The following ALPK1 variants were observed in gnomAD, a reference collection of about 807,000 sequenced individuals.
ALPK1 encodes the protein alpha-protein kinase 1.
ALPK1 carries 110 observed loss-of-function variants against 120.6 expected under a neutral mutation model. The ratio of observed to expected loss-of-function variants is 0.91; its 90% confidence interval spans 0.78 to 1.07. The LOEUF is 1.07. ALPK1 is among the 50% of genes least tolerant of loss of function. The probability of loss-of-function intolerance (pLI) is 0.00; values close to 1 mark genes in which losing one functional copy is unlikely to be tolerated. For synonymous variants in ALPK1, 582 were observed against 560.3 expected, an observed-to-expected ratio of 1.04 and a Z score of -0.55; for missense variants, 1,498 against 1,483.9, an observed-to-expected ratio of 1.01 and a Z score of -0.16.
At chr4:112,384,378 C>A (rs1029287735) in intron 4 of ALPK1, 3 of 152,364 alleles carry the variant, frequency 2.0e-5, no homozygotes, top group East Asian at 1.9e-4. Context: ...ATGGTAGCCA[C>A]TAGCTACAGA....
chr4:112,393,718 T>A (rs1732526012), intron 4 of ALPK1, among the ~76,000 whole-genome samples: 1 of 152,204 alleles, frequency 6.6e-6, no homozygotes, highest in South Asian at 2.1e-4. Context: ...AGTGCACACA[T>A]CTTAACAATG....
At chr4:112,440,239 C>T (rs925958236) in intron 14 of ALPK1, among the ~76,000 whole-genome samples, 2 of 152,050 alleles carry the variant, frequency 1.3e-5, no homozygotes, top group East Asian at 3.8e-4. Flanking sequence ...TTCTCCAGCC[C>T]CTTACCCTTA....
At chr4:112,397,108 A>G (rs1472139657) in intron 4 of ALPK1, among the ~76,000 whole-genome samples, 1 of 152,182 alleles carries the variant, frequency 6.6e-6, no homozygotes, top group Non-Finnish European at 1.5e-5. Flanking sequence ...TTTATAGATG[A>G]AAATGTTGAA....
chr4:112,409,015 C>A (rs1003214887), intron 4 of ALPK1, among the ~76,000 whole-genome samples: 1 of 152,150 alleles, frequency 6.6e-6, no homozygotes, highest in East Asian at 1.9e-4. Flanking sequence ...GCCTTCAGAG[C>A]CATTCTTGGA....
intron 8 of ALPK1, among the ~76,000 whole-genome samples, chr4:112,427,326 C>T (rs1333396879): frequency 2.0e-5 from 3 of 151,230 alleles, no homozygotes; most frequent in Non-Finnish European, 4.4e-5. Flanking sequence ...ACATTGTATC[C>T]CATAAACATG....
chr4:112,345,403 T>C (rs1168566049), intron 2 of ALPK1, among the ~76,000 whole-genome samples: 1 of 152,206 alleles, frequency 6.6e-6, no homozygotes, highest in Non-Finnish European at 1.5e-5. Flanking sequence ...ATACAATGTG[T>C]TGTTGGCAAC....
intron 4 of ALPK1, among the ~76,000 whole-genome samples, chr4:112,408,633 C>T (rs999403490): frequency 6.6e-6 from 1 of 152,096 alleles, no homozygotes; most frequent in Non-Finnish European, 1.5e-5. Context: ...GCTACCATGC[C>T]TGGCTAATTT....
intron 3 of ALPK1, 40 bp downstream of exon 3, chr4:112,377,938 G>C: frequency 6.3e-7 from 1 of 1,574,888 alleles, no homozygotes; most frequent in Non-Finnish European, 8.7e-7. Context: ...GAACCAGCAG[G>C]TTCACTCTCC....
At chr4:112,356,047 G>A (rs902812714) in intron 2 of ALPK1, 4 of 772,440 alleles carry the variant, frequency 5.2e-6, no homozygotes, top group South Asian at 4.3e-5. Flanking sequence ...GCGGCTGAGA[G>A]CCTGAGATGT....
rs1578498776 is a variant in ALPK1, at chr4:112,359,672, G to A, written c.-100-18006G>A. 9 of 239,820 alleles carry A rather than the reference G, an allele frequency of 3.8e-5. 1 individual carries two copies. In the South Asian group the frequency reaches 4.5e-4, roughly 12 times the overall value. 14.9% of individuals were successfully genotyped at this position (239,820 alleles called of 1,614,324 possible). The stretch of plus-strand genomic sequence containing the variant: ...AGAGGCCAGCAGGGGCCTTGGGGGA[G>A]GATGGTGCGGCTGCAGGGCGAAGCC... On this transcript the variant is annotated intron_variant, in intron 2 of 15. Coordinates refer to ENST00000650871, the MANE Select transcript of ALPK1 (RefSeq NM_025144.4).
chr4:112,375,186 T>C (rs968561546), intron 2 of ALPK1, among the ~76,000 whole-genome samples: 5 of 150,698 alleles, frequency 3.3e-5, no homozygotes, highest in Admixed American at 6.6e-5. Flanking sequence ...TTTTCTTTTT[T>C]TTTTTTTTTT....
chr4:112,391,053 T>C (rs113207198), intron 4 of ALPK1, among the ~76,000 whole-genome samples: 152 of 152,260 alleles, frequency 1.0e-3, no homozygotes, highest in African/African-American at 3.3e-3. Flanking sequence ...CTGAGGTAGA[T>C]TGTATTATTG....
chr4:112,371,258 A>C (rs1270608013), intron 2 of ALPK1, among the ~76,000 whole-genome samples: 1 of 152,132 alleles, frequency 6.6e-6, no homozygotes, highest in East Asian at 1.9e-4. Context: ...TAACGTACGC[A>C]CTACAGCTAA....
intron 4 of ALPK1, among the ~76,000 whole-genome samples, chr4:112,410,269 G>A (rs1424475600): frequency 6.6e-6 from 1 of 152,014 alleles, no homozygotes; most frequent in Non-Finnish European, 1.5e-5. Context: ...CAACAAGGGA[G>A]CATGTAGGAT....
chr4:112,328,016 A>G (rs563858888), intron 2 of ALPK1, among the ~76,000 whole-genome samples: 1 of 152,356 alleles, frequency 6.6e-6, no homozygotes, highest in South Asian at 2.1e-4. Context: ...AATCTTCTGA[A>G]GACCTTAAAA....
chr4:112,412,033 C>T lies in ALPK1; in HGVS notation c.475+8C>T, dbSNP rs1266693228. 1.2e-6 allele frequency: 2 copies of T among 1,613,650 alleles called. No individual in the cohort carries two copies. Among genetic ancestry groups the T allele is most frequent in the Admixed American group, 3.3e-5 (2 of 60,026 alleles). On this transcript the variant is annotated splice_region_variant and intron_variant, in intron 5 of 15. Transcript: ENST00000650871. Reference sequence around the variant, plus strand: ...GAATCTCCGTGAACTCAGGTATGCTCCCTCCTGCTGGCCGCCCCCGCGTCC... The same window carrying T: ...GAATCTCCGTGAACTCAGGTATGCTTCCTCCTGCTGGCCGCCCCCGCGTCC...
intron 2 of ALPK1, among the ~76,000 whole-genome samples, chr4:112,355,944 G>A (rs567575721): frequency 1.3e-5 from 2 of 152,376 alleles, no homozygotes; most frequent in East Asian, 1.9e-4. Context: ...CTGGAAGGCT[G>A]GCCGGGGAGA....
intron 1 of ALPK1, among the ~76,000 whole-genome samples, chr4:112,300,222 A>G (rs1727726745): frequency 6.6e-6 from 1 of 152,198 alleles, no homozygotes; most frequent in Non-Finnish European, 1.5e-5. Flanking sequence ...GGATTGAATA[A>G]CTTGTATGCA....
intron 2 of ALPK1, among the ~76,000 whole-genome samples, chr4:112,324,037 C>T (rs909739356): frequency 1.3e-5 from 2 of 152,130 alleles, no homozygotes; most frequent in Admixed American, 6.5e-5. Context: ...TTATAAAAAG[C>T]CTGCTCTTGG....
Sources: gnomAD v4.1 joint callset for allele counts (sites outside exome capture counted in the v4.1 genomes callset) on GRCh38, gnomAD v4.1.1 for gene constraint, MANE v1.5 for transcripts, NCBI Gene and HGNC (gene_info 2026-07-23, HGNC 2026-07-21) for gene names.